COQ3: variants seen among roughly 807,000 people sequenced by gnomAD.
COQ3 encodes coenzyme Q3, methyltransferase, also known as ubiquinone biosynthesis O-methyltransferase, mitochondrial.
COQ3 carries 29 observed loss-of-function variants against 33.1 expected under a neutral mutation model. That is an observed-to-expected ratio of 0.88 (90% confidence interval 0.65 to 1.19). The LOEUF (loss-of-function observed/expected upper bound fraction) is 1.19, where lower values mean the gene tolerates loss of function less well. COQ3 is among the 50% of genes most tolerant of loss of function. The pLI is 0.00. For missense variants in COQ3, 437 were observed against 430.7 expected (o/e 1.01, Z -0.13); for synonymous variants, 173 against 157.8 (o/e 1.10, Z -0.72).
intron 1 of COQ3, among the ~76,000 whole-genome samples, chr6:99,393,801 C>G (rs1774893583): frequency 6.6e-6 from 1 of 152,232 alleles, no homozygotes; most frequent in African/African-American, 2.4e-5. Flanking sequence ...AGCGGGTCGC[C>G]GGCTCCTGGG....
In COQ3 at chr6:99,377,598, A is replaced by C. The variant is rs555111109; in HGVS notation, c.387-113T>G. The C allele has an allele frequency of 3.5e-4, 198 of 571,398 alleles. 1 individual carries two copies. The African/African-American group carries it at 4.0e-3, about 11-fold the overall frequency. The allele number at this position is 571,398 out of a possible 1,614,324, so 35.4% of individuals were successfully genotyped here. ...TAACCTCCATTTAAATAAATTATTC[A>C]TTTTTTTTATAAATAGATCTTTCAA... On this transcript the variant is annotated intron_variant, in intron 3 of 6. Coordinates refer to ENST00000254759, the MANE Select transcript of COQ3 (RefSeq NM_017421.4).
intron 3 of COQ3, among the ~76,000 whole-genome samples, chr6:99,379,156 C>A (rs1374559683): frequency 1.3e-5 from 2 of 151,922 alleles, no homozygotes; most frequent in Admixed American, 1.3e-4. Flanking sequence ...CTAATGCTAT[C>A]CCTCGCCCCT....
chr6:99,379,613 G>T (rs12201682), intron 3 of COQ3, among the ~76,000 whole-genome samples: 55,197 of 152,032 alleles, frequency 0.36, 10,423 homozygotes, highest in South Asian at 0.57. Context: ...CCAGCACTTG[G>T]AGAGGCTGAG....
intron 5 of COQ3, among the ~76,000 whole-genome samples, chr6:99,373,512 T>C (rs1038059435): frequency 6.6e-6 from 1 of 151,716 alleles, no homozygotes; most frequent in Non-Finnish European, 1.5e-5. Context: ...TGGTAAGCAA[T>C]AGTCATTTTT....
intron 1 of COQ3, among the ~76,000 whole-genome samples, chr6:99,391,721 G>C (rs543161576): frequency 1.3e-5 from 2 of 152,264 alleles, no homozygotes; most frequent in South Asian, 2.1e-4. Flanking sequence ...TCTTAGGCCA[G>C]ACGCAGTGGC....
chr6:99,392,316 C>A (rs17784292), intron 1 of COQ3, among the ~76,000 whole-genome samples: 17,591 of 152,204 alleles, frequency 0.12, 1,286 homozygotes, highest in Non-Finnish European at 0.17. Flanking sequence ...GCTCTAAGGT[C>A]TTCCTGGGCC....
chr6:99,384,518 A>T (rs1297336400), intron 1 of COQ3, among the ~76,000 whole-genome samples: 1 of 152,230 alleles, frequency 6.6e-6, no homozygotes, highest in Non-Finnish European at 1.5e-5. Context: ...ACTATTTCAA[A>T]TTCTGTCAAT....
At position 99,377,448 on chromosome 6, in the gene COQ3, C is replaced by T. The variant is rs1383334235; in HGVS notation, c.424G>A (p.Gly142Arg). The T allele has an allele frequency of 1.2e-6, 2 of 1,613,070 alleles. No homozygotes were observed. Among genetic ancestry groups the T allele is most frequent in the African/African-American group, 2.7e-5 (2 of 74,858 alleles). The change falls in exon 4 of 7, where the codon GGA becomes AGA. Residue 142 changes from glycine (G) to arginine (R), a missense_variant. Transcript: ENST00000254759. ...LLKTIPNHQP[G>R]KPLLGMKILD... ...ATCTTCATCCCCAACAAAGGTTTTC[C>T]TGGCTGGTGATTAGGAATTGTTTTC...
At chr6:99,384,759 A>C (rs1774570419) in intron 1 of COQ3, among the ~76,000 whole-genome samples, 1 of 152,204 alleles carries the variant, frequency 6.6e-6, no homozygotes, top group Admixed American at 6.6e-5. Flanking sequence ...AGAAACAAAG[A>C]GGGGCATTAC....
At chr6:99,379,785 G>C (rs187165273) in intron 3 of COQ3, among the ~76,000 whole-genome samples, 71 of 152,016 alleles carry the variant, frequency 4.7e-4, no homozygotes, top group Non-Finnish European at 7.1e-4. Context: ...AAACCAGGAG[G>C]TGGAGGTTGG....
At chr6:99,380,497 A>G (rs1774442639) in intron 2 of COQ3, among the ~76,000 whole-genome samples, 156 bp from the exon 3 acceptor site, 1 of 152,214 alleles carries the variant, frequency 6.6e-6, no homozygotes, top group Admixed American at 6.5e-5. Flanking sequence ...GTTTTCTTAT[A>G]ATCACACTGC....
intron 5 of COQ3, among the ~76,000 whole-genome samples, chr6:99,375,384 T>C (rs1413312966): frequency 1.3e-5 from 2 of 151,722 alleles, no homozygotes; most frequent in Non-Finnish European, 2.9e-5. Context: ...ACCAATATTT[T>C]TCTTTTTTTT....
rs779391244 is a variant in COQ3, at chr6:99,369,574, A to T, written c.*26T>A. 7.4e-6 allele frequency: 11 copies of T among 1,490,174 alleles called. No individual in the cohort carries two copies. In the African/African-American group the frequency reaches 1.5e-4, roughly 21 times the overall value. The allele number at this position is 1,490,174 out of a possible 1,614,324, so 92.3% of individuals were successfully genotyped here. ...TTTGAAAACATCAGATATCCAAGCC[A>T]TATTACTATAGTTCTCAGAAACAAT... is the stretch of plus-strand genomic sequence containing the variant. On this transcript the variant is annotated 3_prime_UTR_variant, in exon 7 of 7. Transcript: ENST00000254759.
chr6:99,369,594 A>G lies in COQ3; in HGVS notation c.*6T>C. 6.2e-7 allele frequency: 1 copy of G among 1,602,762 alleles called. No homozygotes were observed. The highest frequency in any genetic ancestry group is 1.1e-5 in the South Asian group (1 of 90,604). ...AAGCCATATTACTATAGTTCTCAGA[A>G]ACAATTCATTTCTTCAGCTTTTCAT... On this transcript the variant is annotated 3_prime_UTR_variant, in exon 7 of 7. Coordinates refer to ENST00000254759, the MANE Select transcript of COQ3 (RefSeq NM_017421.4).
chr6:99,385,496 G>A (rs1774599793), intron 1 of COQ3, among the ~76,000 whole-genome samples: 1 of 152,004 alleles, frequency 6.6e-6, no homozygotes, highest in African/African-American at 2.4e-5. Flanking sequence ...ACGGTAAAAA[G>A]CAAAACACTT....
chr6:99,374,122 C>CA (rs146515261), intron 5 of COQ3, among the ~76,000 whole-genome samples: 16,041 of 85,930 alleles, frequency 0.19, 1,073 homozygotes, highest in Middle Eastern at 0.24. Flanking sequence ...CTGACATTAG[C>CA]AAAAAAAAAA....
At chr6:99,392,353 T>C (rs536923131) in intron 1 of COQ3, among the ~76,000 whole-genome samples, 85 of 152,316 alleles carry the variant, frequency 5.6e-4, no homozygotes, top group Non-Finnish European at 7.5e-4. Flanking sequence ...CATCCCACAT[T>C]CTATGTAGAC....
chr6:99,387,419 C>G (rs1045161101), intron 1 of COQ3, among the ~76,000 whole-genome samples: 19 of 152,092 alleles, frequency 1.2e-4, no homozygotes, highest in African/African-American at 4.3e-4. Flanking sequence ...CCGCTGCACT[C>G]CAGCCTAGGG....
chr6:99,384,998 C>T (rs1229840020), intron 1 of COQ3, among the ~76,000 whole-genome samples: 1 of 152,156 alleles, frequency 6.6e-6, no homozygotes, highest in African/African-American at 2.4e-5. Flanking sequence ...GTAATCCCAG[C>T]TACCCAGGAG....
Sources: allele counts gnomAD v4.1 joint callset (sites outside exome capture counted in the v4.1 genomes callset), GRCh38; gene constraint gnomAD v4.1.1; transcripts MANE v1.5; gene names NCBI Gene and HGNC (gene_info 2026-07-23, HGNC 2026-07-21).